BRAF: variants seen among roughly 807,000 people sequenced by gnomAD.
The protein encoded by BRAF is B-Raf proto-oncogene, serine/threonine kinase.
In BRAF, 16 loss-of-function variants were observed where a neutral mutation model predicts 104.6. The ratio of observed to expected loss-of-function variants is 0.15; its 90% CI spans 0.10 to 0.23. The LOEUF (loss-of-function observed/expected upper bound fraction) is 0.23. Among genes scored for constraint, BRAF ranks in the 10% least tolerant of loss-of-function variants. The probability of loss-of-function intolerance (pLI) is 1.00; values close to 1 mark genes in which losing one functional copy is unlikely to be tolerated. For synonymous variants in BRAF, 310 were observed against 341.6 expected (o/e 0.91, Z 1.02); for missense variants, 541 against 937.3 (o/e 0.58, Z 5.52).
intron 6 of BRAF, among the ~76,000 whole-genome samples, 188 bp from the exon 7 acceptor site, chr7:140,800,669 C>T (rs1275603369): frequency 6.6e-6 from 1 of 152,116 alleles, no homozygotes; most frequent in Non-Finnish European, 1.5e-5. Flanking sequence ...CAAAGGCATG[C>T]TTATAACTTA....
intron 14 of BRAF, among the ~76,000 whole-genome samples, chr7:140,773,812 A>G (rs1800069197): frequency 6.6e-6 from 1 of 152,210 alleles, no homozygotes; most frequent in Non-Finnish European, 1.5e-5. Context: ...CTGATCATTT[A>G]GCCTTTTGGG....
At chr7:140,872,988 A>C (rs1025381139) in intron 1 of BRAF, among the ~76,000 whole-genome samples, 3 of 152,160 alleles carry the variant, frequency 2.0e-5, no homozygotes, top group Non-Finnish European at 4.4e-5. Flanking sequence ...CAAAATTCTA[A>C]GATATATATA....
In BRAF at chr7:140,726,463, G is replaced by A; in HGVS notation, c.*31C>T. The A allele has an allele frequency of 6.5e-7, 1 of 1,536,182 alleles. No individual in the cohort carries two copies. The highest frequency in any genetic ancestry group is 8.7e-7 in the Non-Finnish European group (1 of 1,146,926). ...CAAATTGTACGAACACAAGACTTAA[G>A]AAATAAGAGCAGATGCTGCCATGAT... On this transcript the variant is annotated 3_prime_UTR_variant, in exon 20 of 20. Coordinates refer to ENST00000644969, the MANE Select transcript of BRAF (RefSeq NM_001374258.1).
chr7:140,805,280 G>T (rs1400531854), intron 5 of BRAF, among the ~76,000 whole-genome samples: 3 of 151,876 alleles, frequency 2.0e-5, no homozygotes, highest in African/African-American at 7.3e-5. Flanking sequence ...ACTTTCTAGG[G>T]GATATAAAAC....
intron 1 of BRAF, among the ~76,000 whole-genome samples, chr7:140,864,034 A>G (rs1237993580): frequency 2.6e-5 from 4 of 152,258 alleles, no homozygotes; most frequent in Non-Finnish European, 5.9e-5. Flanking sequence ...TAAATTCTAG[A>G]CAATATAACT....
chr7:140,725,494 A>G lies in BRAF; in HGVS notation c.*1000T>C. 1 of 960,556 alleles carries G rather than the reference A, an allele frequency of 1.0e-6. No individual in the cohort carries two copies. Among genetic ancestry groups the G allele is most frequent in the East Asian group, 5.9e-5 (1 of 16,862 alleles). The allele number at this position is 960,556 out of a possible 1,614,324, so 59.5% of individuals were successfully genotyped here. On this transcript the variant is annotated 3_prime_UTR_variant, in exon 20 of 20. Coordinates refer to ENST00000644969, the MANE Select transcript of BRAF (RefSeq NM_001374258.1). ...AATAAAAATAGAAAAGAAGAAACTCAGAAATTAAAACCTGTACCTTATATT... is the reference window on the plus strand; with the variant it reads ...AATAAAAATAGAAAAGAAGAAACTCGGAAATTAAAACCTGTACCTTATATT...
rs1367499071 is a variant in BRAF, at chr7:140,721,530, C to A, written c.*4964G>T. ...GTGTACTAATAAAACAAACATCTTA[C>A]CAGTATTTTTAATTTTACCAGAGCT... On this transcript the variant is annotated 3_prime_UTR_variant, in exon 20 of 20. Transcript: ENST00000644969. 2.1e-6 allele frequency: 3 copies of A among 1,431,846 alleles called. No homozygotes were observed. Among genetic ancestry groups the A allele is most frequent in the Non-Finnish European group, 1.8e-6 (2 of 1,096,590 alleles). 88.7% of individuals were successfully genotyped at this position (1,431,846 alleles called of 1,614,324 possible).
chr7:140,758,697 C>G (rs1798406834), intron 14 of BRAF, among the ~76,000 whole-genome samples: 1 of 152,190 alleles, frequency 6.6e-6, no homozygotes. Flanking sequence ...TCAAGCCATC[C>G]TCCCACCTCG....
chr7:140,828,706 C>T (rs558438504), intron 3 of BRAF, among the ~76,000 whole-genome samples: 19 of 152,172 alleles, frequency 1.2e-4, no homozygotes, highest in South Asian at 6.2e-4. Context: ...TTTCTTATTA[C>T]GATGATTTAA....
At chr7:140,907,390 T>C (rs1248512862) in intron 1 of BRAF, among the ~76,000 whole-genome samples, 2 of 151,698 alleles carry the variant, frequency 1.3e-5, no homozygotes, top group Non-Finnish European at 2.9e-5. Flanking sequence ...GCCTCCCGAA[T>C]AGCTGGGACT....
At chr7:140,739,118 C>T (rs946203658) in intron 18 of BRAF, among the ~76,000 whole-genome samples, 2 of 152,130 alleles carry the variant, frequency 1.3e-5, no homozygotes, top group African/African-American at 4.8e-5. Context: ...CTGTTTACCA[C>T]CAAGAAGAAA....
At chr7:140,899,705 T>C (rs1359778661) in intron 1 of BRAF, among the ~76,000 whole-genome samples, 1 of 152,214 alleles carries the variant, frequency 6.6e-6, no homozygotes, top group Non-Finnish European at 1.5e-5. Context: ...TGTCTTTGTC[T>C]TAGAAATCTA....
intron 1 of BRAF, among the ~76,000 whole-genome samples, chr7:140,878,352 G>C (rs906838546): frequency 2.0e-5 from 3 of 151,878 alleles, no homozygotes; most frequent in Non-Finnish European, 4.4e-5. Flanking sequence ...AATGACCTTG[G>C]ATTTAGCAAT....
chr7:140,778,946 C>A (rs1268608716), intron 12 of BRAF, among the ~76,000 whole-genome samples: 1 of 152,044 alleles, frequency 6.6e-6, no homozygotes, highest in Non-Finnish European at 1.5e-5. Flanking sequence ...GTTTACAGCA[C>A]CAGCATCAAT....
In BRAF at chr7:140,721,662, C is replaced by T. The variant is rs760138693; in HGVS notation, c.*4832G>A. On this transcript the variant is annotated 3_prime_UTR_variant, in exon 20 of 20. Transcript: ENST00000644969. ...CTACCCTCTTCTGGGGCTCAACTACCGATGGGCATCAGTAATCCATCCCAG... is the reference window on the plus strand; with the variant it reads ...CTACCCTCTTCTGGGGCTCAACTACTGATGGGCATCAGTAATCCATCCCAG... 7.8e-6 allele frequency: 12 copies of T among 1,534,640 alleles called. No homozygotes were observed. Among genetic ancestry groups the T allele is most frequent in the Admixed American group, 5.9e-5 (3 of 50,790 alleles).
intron 8 of BRAF, among the ~76,000 whole-genome samples, chr7:140,788,377 A>T (rs1801610192): frequency 6.6e-6 from 1 of 152,208 alleles, no homozygotes; most frequent in African/African-American, 2.4e-5. Context: ...AGGCATTTTG[A>T]CATATTTTGG....
chr7:140,887,910 G>A (rs1813758989), intron 1 of BRAF, among the ~76,000 whole-genome samples: 1 of 148,818 alleles, frequency 6.7e-6, no homozygotes, highest in Non-Finnish European at 1.5e-5. Context: ...ACAGAGTCTC[G>A]CTTTGTCATC....
rs554185037 is a variant in BRAF, at chr7:140,821,732, G to GTA, written c.505-12739_505-12738dup. Among the ~76,000 whole-genome samples, 372 of 152,024 alleles carry GTA rather than the reference G, an allele frequency of 2.4e-3. 3 individuals are homozygous for GTA. The highest frequency in any genetic ancestry group is 8.6e-3 in the African/African-American group (355 of 41,438). On this transcript the variant is annotated intron_variant, in intron 3 of 19. Coordinates refer to ENST00000644969, the MANE Select transcript of BRAF (RefSeq NM_001374258.1). ...TTCGACCCAGCAGTCTCATTGCTCG[G>GTA]TATATATACATCCAAAAGAAAATGA...
At chr7:140,718,378 G>A (rs533752994), downstream of BRAF, among the ~76,000 whole-genome samples, 87 of 152,356 alleles carry the variant, frequency 5.7e-4, no homozygotes, top group Non-Finnish European at 9.8e-4. Context: ...AGCCTCCTGA[G>A]TAGCTGGAAT....
Sources: allele counts gnomAD v4.1 joint callset (sites outside exome capture counted in the v4.1 genomes callset), GRCh38; gene constraint gnomAD v4.1.1; transcripts MANE v1.5; gene names NCBI Gene and HGNC (gene_info 2026-07-23, HGNC 2026-07-21).